FYN: variants seen among roughly 807,000 people sequenced by gnomAD.
The protein encoded by FYN is FYN proto-oncogene, Src family tyrosine kinase.
Under a neutral mutation model 70.2 loss-of-function variants are expected in FYN, and 10 were observed. The ratio of observed to expected loss-of-function variants is 0.14; its 90% confidence interval spans 0.09 to 0.24. FYN has a LOEUF of 0.24. Ranked by LOEUF, FYN falls within the 10% of genes least tolerant of loss-of-function variation. The pLI, the probability that FYN is intolerant of heterozygous loss-of-function variation, is 1.00. For synonymous variants in FYN, 236 were observed against 248.6 expected (o/e 0.95, Z 0.48); for missense variants, 319 against 673.1 (o/e 0.47, Z 5.82).
chr6:111,746,554 T>C (rs1802230104), intron 3 of FYN, among the ~76,000 whole-genome samples: 1 of 152,234 alleles, frequency 6.6e-6, no homozygotes, highest in African/African-American at 2.4e-5. Flanking sequence ...ATAGTAGCTT[T>C]TATTGCCTAG....
At position 111,662,003 on chromosome 6, in the gene FYN, C is replaced by T. The variant is rs1415211619; in HGVS notation, c.1406-56G>A. Reference sequence around the variant, plus strand: ...CCCCGGGGATCCAGGCCCTGACCGCCGCACTTGCAGATCCCCTTTCTTCTT... The same window carrying T: ...CCCCGGGGATCCAGGCCCTGACCGCTGCACTTGCAGATCCCCTTTCTTCTT... On this transcript the variant is annotated intron_variant, in intron 13 of 13. Transcript: ENST00000354650. The T allele has an allele frequency of 1.7e-5, 24 of 1,407,272 alleles. No individual in the cohort carries two copies. In the South Asian group the frequency reaches 1.9e-4, roughly 11 times the overall value. 87.2% of individuals were successfully genotyped at this position (1,407,272 alleles called of 1,614,324 possible).
chr6:111,782,813 C>G (rs1423863858), intron 2 of FYN, among the ~76,000 whole-genome samples: 3 of 152,202 alleles, frequency 2.0e-5, no homozygotes, highest in Non-Finnish European at 2.9e-5. Context: ...GGTACAGTTG[C>G]TCTGGCCTCT....
chr6:111,726,456 C>T (rs1229589770), intron 3 of FYN, among the ~76,000 whole-genome samples: 2 of 152,130 alleles, frequency 1.3e-5, no homozygotes, highest in Non-Finnish European at 2.9e-5. Flanking sequence ...ATTACTATTT[C>T]CCCACACTTT....
intron 3 of FYN, among the ~76,000 whole-genome samples, chr6:111,737,725 A>G (rs2128476232): frequency 6.6e-6 from 1 of 152,132 alleles, no homozygotes; most frequent in African/African-American, 2.4e-5. Context: ...TCTCTCCCCA[A>G]AGACTGGGAG....
At chr6:111,679,796 C>A (rs1471580365) in intron 12 of FYN, among the ~76,000 whole-genome samples, 4 of 152,088 alleles carry the variant, frequency 2.6e-5, no homozygotes. Flanking sequence ...GTGTTCAGAT[C>A]CCCTTTGGGT....
At position 111,696,329 on chromosome 6, in the gene FYN, A is replaced by G. The variant is rs1799573007; in HGVS notation, c.990T>C (p.Tyr330=). The G allele has an allele frequency of 6.2e-7, 1 of 1,613,810 alleles. No homozygotes were observed. The change falls in exon 10 of 14, where the codon TAT becomes TAC. Residue 330 remains tyrosine, a synonymous_variant. Coordinates refer to ENST00000354650, the MANE Select transcript of FYN (RefSeq NM_002037.5). ...KLKHDKLVQL[Y]AVVSEEPIYI... The stretch of plus-strand genomic sequence containing the variant: ...AGATGGGCTCCTCAGACACCACTGC[A>G]TAGAGCTGGACCAGCTTGTCGTGCT...
intron 7 of FYN, 36 bp downstream of exon 7, chr6:111,703,963 G>A: frequency 6.6e-7 from 1 of 1,524,396 alleles, no homozygotes; most frequent in Non-Finnish European, 9.1e-7. Context: ...CCACAGATTT[G>A]AATGACAAGC....
At chr6:111,730,858 GA>G (rs59470630) in intron 3 of FYN, among the ~76,000 whole-genome samples, 17,427 of 152,094 alleles carry the variant, frequency 0.11, 1,949 homozygotes, top group African/African-American at 0.28. Flanking sequence ...AAAGAGAAAA[GA>G]AAAACAAAAA....
intron 1 of FYN, among the ~76,000 whole-genome samples, chr6:111,866,261 C>T (rs1049176880): frequency 2.0e-5 from 3 of 152,202 alleles, no homozygotes; most frequent in Non-Finnish European, 4.4e-5. Flanking sequence ...AAAGGAGTCA[C>T]AGAGAGACCA....
intron 1 of FYN, among the ~76,000 whole-genome samples, chr6:111,850,351 C>T (rs973697527): frequency 1.3e-5 from 2 of 152,154 alleles, no homozygotes; most frequent in African/African-American, 4.8e-5. Flanking sequence ...ATTCACTGAC[C>T]TGCCAAAAAA....
At chr6:111,687,605 G>GTGTGTGTGT (rs1554274338) in intron 12 of FYN, among the ~76,000 whole-genome samples, 1 of 143,364 alleles carries the variant, frequency 7.0e-6, no homozygotes, top group Non-Finnish European at 1.5e-5. Flanking sequence ...GGGGTGGGTG[G>GTGTGTGTGT]GTGTGTGTGT....
chr6:111,674,431 A>C, intron 13 of FYN, 68 bp downstream of exon 13: 1 of 1,524,918 alleles, frequency 6.6e-7, no homozygotes, highest in Non-Finnish European at 8.9e-7. Flanking sequence ...AAAGTGGATG[A>C]AGTTTTCCCA....
At chr6:111,736,036 T>TA (rs1167930115) in intron 3 of FYN, among the ~76,000 whole-genome samples, 2 of 152,238 alleles carry the variant, frequency 1.3e-5, no homozygotes, top group East Asian at 3.9e-4. Context: ...ACACCACAGA[T>TA]AGACATCTGC....
intron 3 of FYN, among the ~76,000 whole-genome samples, chr6:111,762,019 C>A (rs1803028268): frequency 6.6e-6 from 1 of 152,128 alleles, no homozygotes; most frequent in Non-Finnish European, 1.5e-5. Flanking sequence ...TGGTTATGCC[C>A]TTCCGTGAGA....
At chr6:111,745,044 A>C (rs914403417) in intron 3 of FYN, among the ~76,000 whole-genome samples, 2 of 152,134 alleles carry the variant, frequency 1.3e-5, no homozygotes, top group African/African-American at 4.8e-5. Flanking sequence ...GCCACACAAC[A>C]TTCTGGTTCT....
At position 111,799,638 on chromosome 6, in the gene FYN, G is replaced by A. The variant is rs117621645; in HGVS notation, c.-81-19003C>T. On this transcript the variant is annotated intron_variant, in intron 2 of 13. Transcript: ENST00000354650. ...TTGGTAAATGGTATTAATAGGTTCA[G>A]ACAGCTTCACAATATCTGGACTAAA... is the stretch of plus-strand genomic sequence containing the variant. Among the ~76,000 whole-genome samples the A allele has an allele frequency of 5.4e-3, 823 of 152,320 alleles. 3 individuals carry two copies. The highest frequency in any genetic ancestry group is 9.6e-3 in the Non-Finnish European group (655 of 68,030).
intron 1 of FYN, among the ~76,000 whole-genome samples, chr6:111,871,567 A>C (rs1774274458): frequency 6.6e-6 from 1 of 152,250 alleles, no homozygotes. Context: ...CTGGGCAGAC[A>C]GGATTTCATT....
At chr6:111,871,441 A>C (rs1774270394) in intron 1 of FYN, among the ~76,000 whole-genome samples, 1 of 152,242 alleles carries the variant, frequency 6.6e-6, no homozygotes, top group African/African-American at 2.4e-5. Flanking sequence ...TAGGCGTCCC[A>C]AGACTACCTT....
At chr6:111,663,835 G>A (rs891997394) in intron 13 of FYN, among the ~76,000 whole-genome samples, 2 of 152,168 alleles carry the variant, frequency 1.3e-5, no homozygotes, top group African/African-American at 4.8e-5. Context: ...AATGGGGGAT[G>A]GGGGCGGGGA....
Sources: gnomAD v4.1 joint callset for allele counts (sites outside exome capture counted in the v4.1 genomes callset) on GRCh38, gnomAD v4.1.1 for gene constraint, MANE v1.5 for transcripts, NCBI Gene and HGNC (gene_info 2026-07-23, HGNC 2026-07-21) for gene names.